DCLK3: variants seen among roughly 807,000 people sequenced by gnomAD.
DCLK3 encodes doublecortin like kinase 3.
A neutral mutation model predicts 46.4 loss-of-function variants in DCLK3; 30 were observed. The ratio of observed to expected loss-of-function variants is 0.65; its 90% CI spans 0.48 to 0.88. The LOEUF (loss-of-function observed/expected upper bound fraction) is 0.88, where lower values mean the gene tolerates loss of function less well. Among genes scored for constraint, DCLK3 ranks in the 40% least tolerant of loss-of-function variants. DCLK3 has a pLI of 0.00. For synonymous variants in DCLK3, 401 were observed against 339.2 expected, an observed-to-expected ratio of 1.18 and a Z score of -2.00; for missense variants, 846 against 907.1, an observed-to-expected ratio of 0.93 and a Z score of 0.87.
At chr3:36,744,448 G>A (rs1701376980) in intron 1 of DCLK3, among the ~76,000 whole-genome samples, 1 of 152,234 alleles carries the variant, frequency 6.6e-6, no homozygotes, top group African/African-American at 2.4e-5. Context: ...TTCAGGTTGA[G>A]AAAGCTTTGT....
intron 1 of DCLK3, 59 bp from the exon 2 acceptor site, chr3:36,739,143 C>T: frequency 5.0e-6 from 2 of 397,760 alleles, no homozygotes; most frequent in Non-Finnish European, 8.8e-6. Context: ...AGCCCTCAGC[C>T]TTCACCAAAA....
chr3:36,715,531 T>A lies in DCLK3; in HGVS notation c.2261-10A>T, dbSNP rs770401750. 4 of 1,519,468 alleles carry A rather than the reference T, an allele frequency of 2.6e-6. No homozygotes were observed. Among genetic ancestry groups the A allele is most frequent in the Admixed American group, 4.5e-5 (2 of 44,174 alleles). 94.1% of individuals were successfully genotyped at this position (1,519,468 alleles called of 1,614,324 possible). A position where few individuals can be genotyped will look rare whatever the true frequency, so the allele number is the denominator to read the frequency against. ...ACCAGATCTTTAGCAGCTGTTGGAA[T>A]GAGAGAAGGGGAAAATGTGATGAAT... On this transcript the variant is annotated splice_polypyrimidine_tract_variant and intron_variant, in intron 4 of 4. Transcript: ENST00000636136.
At chr3:36,744,283 G>C (rs1701375422) in intron 1 of DCLK3, among the ~76,000 whole-genome samples, 1 of 152,174 alleles carries the variant, frequency 6.6e-6, no homozygotes, top group Non-Finnish European at 1.5e-5. Context: ...GCTAATTGCA[G>C]CTCCAGCAAA....
At chr3:36,757,338 A>G (rs1575148389) in intron 1 of DCLK3, among the ~76,000 whole-genome samples, 3 of 152,158 alleles carry the variant, frequency 2.0e-5, no homozygotes, top group African/African-American at 7.2e-5. Flanking sequence ...CCATCCAAAA[A>G]CACAGAGTGG....
At chr3:36,742,689 A>G (rs578024101) in intron 1 of DCLK3, among the ~76,000 whole-genome samples, 2 of 152,342 alleles carry the variant, frequency 1.3e-5, no homozygotes, top group East Asian at 3.9e-4. Context: ...ACTGATTTTT[A>G]TCTTCTCTTC....
At chr3:36,749,521 C>G (rs1205472579) in intron 1 of DCLK3, among the ~76,000 whole-genome samples, 1 of 152,200 alleles carries the variant, frequency 6.6e-6, no homozygotes, top group Admixed American at 6.5e-5. Context: ...TGAAGCAGAT[C>G]GATCTCATTT....
At chr3:36,762,258 G>A (rs774374612) in intron 1 of DCLK3, among the ~76,000 whole-genome samples, 2 of 152,148 alleles carry the variant, frequency 1.3e-5, no homozygotes, top group Admixed American at 1.3e-4. Flanking sequence ...ACCTATTACC[G>A]ATGTTAGTCA....
chr3:36,735,511 A>G (rs1206655380), intron 2 of DCLK3, among the ~76,000 whole-genome samples: 1 of 152,228 alleles, frequency 6.6e-6, no homozygotes, highest in Non-Finnish European at 1.5e-5. Context: ...TGACTCACTC[A>G]GTGTTTCACC....
intron 1 of DCLK3, chr3:36,739,685 A>C (rs984708419): frequency 6.6e-6 from 1 of 152,364 alleles, no homozygotes; most frequent in African/African-American, 2.4e-5. Flanking sequence ...CAAATTGCCC[A>C]GTCTCAGGTA....
intron 1 of DCLK3, among the ~76,000 whole-genome samples, chr3:36,755,822 C>T (rs1234651684): frequency 6.6e-6 from 1 of 152,204 alleles, no homozygotes; most frequent in Non-Finnish European, 1.5e-5. Context: ...CAATAAAAGA[C>T]TCTTGCTTGT....
chr3:36,755,330 A>T (rs1001718149), intron 1 of DCLK3, among the ~76,000 whole-genome samples: 2 of 152,220 alleles, frequency 1.3e-5, no homozygotes, highest in Non-Finnish European at 2.9e-5. Context: ...CAGAGCTACA[A>T]TTACAATGTC....
intron 1 of DCLK3, among the ~76,000 whole-genome samples, chr3:36,743,873 C>T (rs1411079946): frequency 6.6e-6 from 1 of 152,202 alleles, no homozygotes; most frequent in African/African-American, 2.4e-5. Flanking sequence ...CCAAGCCTCA[C>T]CATCTTGTAA....
chr3:36,737,995 T>A lies in DCLK3; in HGVS notation c.1172A>T (p.Asp391Val). The A allele has an allele frequency of 6.2e-7, 1 of 1,614,192 alleles. No homozygotes were observed. Among genetic ancestry groups the A allele is most frequent in the Non-Finnish European group, 8.5e-7 (1 of 1,180,038 alleles). The change falls in exon 2 of 5, where the codon GAC (aspartate) becomes GTC (valine). Residue 391 changes from aspartate (D) to valine (V), a missense_variant. Asp to Val is a radical substitution (Grantham distance 152). Coordinates refer to ENST00000636136, the MANE Select transcript of DCLK3 (RefSeq NM_001394672.2). The surrounding 1 kb of genome is among the most constrained non-coding windows in gnomAD (Gnocchi z 4.4). ...CTCTGGGCCTCTGTCCTCTTTCTTG[T>A]CCATGCTCTTGCTGGGTCTCCTCAG... ...QELRRPSKSM[D>V]KKEDRGPEDQ...
At chr3:36,759,598 G>T (rs1173495353) in intron 1 of DCLK3, among the ~76,000 whole-genome samples, 2 of 152,214 alleles carry the variant, frequency 1.3e-5, no homozygotes, top group African/African-American at 4.8e-5. Context: ...CATGAACTGA[G>T]CTCTGCTCCC....
At chr3:36,751,010 G>T (rs558574904) in intron 1 of DCLK3, among the ~76,000 whole-genome samples, 2 of 131,344 alleles carry the variant, frequency 1.5e-5, no homozygotes, top group African/African-American at 5.7e-5. Context: ...TGTTCCTGCA[G>T]CTGGCAATAA....
intron 2 of DCLK3, among the ~76,000 whole-genome samples, chr3:36,726,855 C>T (rs1395318636): frequency 6.6e-6 from 1 of 152,118 alleles, no homozygotes; most frequent in Non-Finnish European, 1.5e-5. Context: ...TTAAGAAAAC[C>T]TTGTTTGGAA....
At chr3:36,743,337 TAAAA>T (rs1396839971) in intron 1 of DCLK3, among the ~76,000 whole-genome samples, 1 of 139,494 alleles carries the variant, frequency 7.2e-6, no homozygotes, top group African/African-American at 2.6e-5. Context: ...AATAAAATAA[TAAAA>T]AACCACTTTT....
At chr3:36,726,585 G>C (rs547227687) in intron 2 of DCLK3, among the ~76,000 whole-genome samples, 9 of 152,118 alleles carry the variant, frequency 5.9e-5, no homozygotes, top group African/African-American at 1.9e-4. Flanking sequence ...AGGGTGGAGC[G>C]GCCTTTCCCC....
chr3:36,726,349 C>T (rs1025618888), intron 2 of DCLK3, among the ~76,000 whole-genome samples: 1 of 151,978 alleles, frequency 6.6e-6, no homozygotes, highest in African/African-American at 2.4e-5. Flanking sequence ...TGTGTGAAAA[C>T]TTACTAGAAT....
Sources: allele counts gnomAD v4.1 joint callset (sites outside exome capture counted in the v4.1 genomes callset), GRCh38; gene constraint gnomAD v4.1.1; non-coding constraint Gnocchi (gnomAD v3.1); transcripts MANE v1.5; gene names NCBI Gene and HGNC (gene_info 2026-07-23, HGNC 2026-07-21).